CLEC16A: variants seen among roughly 807,000 people sequenced by gnomAD.
CLEC16A encodes protein CLEC16A.
In CLEC16A, 51 loss-of-function variants were observed where a neutral mutation model predicts 109.5. That is an observed-to-expected ratio of 0.47 (90% CI 0.37 to 0.59). CLEC16A has a LOEUF of 0.59. Among genes scored for constraint, CLEC16A ranks in the 20% least tolerant of loss-of-function variants. The probability of loss-of-function intolerance (pLI) is 0.00; values close to 1 mark genes in which losing one functional copy is unlikely to be tolerated. For synonymous variants in CLEC16A, 673 were observed against 564.2 expected, an observed-to-expected ratio of 1.19 and a Z score of -2.73; for missense variants, 1,339 against 1,394.0, an observed-to-expected ratio of 0.96 and a Z score of 0.63.
intron 22 of CLEC16A, among the ~76,000 whole-genome samples, chr16:11,147,322 C>G (rs574389297): frequency 6.6e-6 from 1 of 152,152 alleles, no homozygotes; most frequent in East Asian, 1.9e-4. Context: ...CCTGACTACT[C>G]GCATCATTAG....
At chr16:11,003,622 C>G (rs9925481) in intron 11 of CLEC16A, among the ~76,000 whole-genome samples, 2 of 152,020 alleles carry the variant, frequency 1.3e-5, no homozygotes, top group Admixed American at 6.5e-5. Context: ...ATTAAATGAG[C>G]GAATATGTGC....
At chr16:11,063,277 CTTTTTTTTTTTT>C (rs56409015) in intron 19 of CLEC16A, among the ~76,000 whole-genome samples, 2 of 79,100 alleles carry the variant, frequency 2.5e-5, no homozygotes, top group Admixed American at 3.0e-4. Flanking sequence ...TTCTTCTTTC[CTTTTTTTTTTTT>C]TTTTTTTTTT....
At position 11,042,295 on chromosome 16, in the gene CLEC16A, C is replaced by T. The variant is rs1378388043; in HGVS notation, c.1702C>T (p.Leu568Phe). 2.5e-6 allele frequency: 4 copies of T among 1,592,094 alleles called. No homozygotes were observed. Among genetic ancestry groups the T allele is most frequent in the East Asian group, 2.3e-5 (1 of 43,728 alleles). ...GGCGACGCTGGAGCTGAGCTGCCTG[C>T]TTCTGAAGCAGCAAGTCCTGATGAG... ...RLATLELSCL[L>F]LKQQVLMSAG... Residue 568 changes from leucine to phenylalanine, a missense_variant, in exon 15 of 24, where the codon CTT (leucine) becomes TTT (phenylalanine). By Grantham distance (22) the Leu-to-Phe change is conservative (BLOSUM62 0). Around this residue, in one of 3 missense-constraint regions of CLEC16A, gnomAD observed 1,061 missense variants for 1,006.8 expected, o/e 1.05. Transcript: ENST00000409790.
intron 22 of CLEC16A, among the ~76,000 whole-genome samples, chr16:11,141,363 A>C (rs1346176745): frequency 6.6e-6 from 1 of 152,150 alleles, no homozygotes; most frequent in Non-Finnish European, 1.5e-5. Context: ...AGGACAGCTC[A>C]CTCACAGGAG....
intron 3 of CLEC16A, among the ~76,000 whole-genome samples, chr16:10,968,513 C>T (rs76947914): frequency 0.071 from 10,836 of 152,246 alleles, 1,356 homozygotes; most frequent in African/African-American, 0.25. Flanking sequence ...GCATGACAAA[C>T]TCTGACATCA....
At chr16:11,026,979 C>T in intron 13 of CLEC16A, 2 of 1,539,984 alleles carry the variant, frequency 1.3e-6, no homozygotes, top group Non-Finnish European at 1.8e-6. Flanking sequence ...CTGTCTTTCC[C>T]ATGTGGTGGG....
At chr16:11,002,001 A>G (rs2044696758) in intron 10 of CLEC16A, among the ~76,000 whole-genome samples, 1 of 152,168 alleles carries the variant, frequency 6.6e-6, no homozygotes, top group African/African-American at 2.4e-5. Flanking sequence ...CTGTAGTGAT[A>G]GTTTTGTTTA....
intron 3 of CLEC16A, among the ~76,000 whole-genome samples, chr16:10,965,381 A>G (rs1490436962): frequency 6.6e-6 from 1 of 152,266 alleles, no homozygotes; most frequent in Non-Finnish European, 1.5e-5. Context: ...ACGAAAAGCC[A>G]AATGTTAGAA....
chr16:11,006,154 A>G (rs932236586), intron 11 of CLEC16A, among the ~76,000 whole-genome samples: 15 of 152,228 alleles, frequency 9.9e-5, no homozygotes, highest in Middle Eastern at 3.4e-3. Context: ...TCTCCTTCCC[A>G]GTGGCTGCCA....
At chr16:10,998,438 C>G (rs143337986) in intron 10 of CLEC16A, among the ~76,000 whole-genome samples, 1,960 of 152,290 alleles carry the variant, frequency 0.013, 43 homozygotes, top group African/African-American at 0.045. Context: ...GAAACCTAAA[C>G]CTGTGGCATT....
chr16:10,999,052 C>A (rs1034733742), intron 10 of CLEC16A, among the ~76,000 whole-genome samples: 2 of 152,178 alleles, frequency 1.3e-5, no homozygotes, highest in African/African-American at 2.4e-5. Context: ...CAAAAATAGT[C>A]CTTAGTCCCA....
At chr16:10,944,932 C>T (rs980947526) in intron 1 of CLEC16A, 135 bp downstream of exon 1, 2 of 836,472 alleles carry the variant, frequency 2.4e-6, no homozygotes, top group Non-Finnish European at 3.7e-6. Context: ...TGGTTAAGAG[C>T]GAGGGCTCGG....
Position 11,179,000 on chromosome 16 carries a change from C to T in CLEC16A, c.*310C>T, listed in dbSNP as rs2068876556. The T allele has an allele frequency of 9.0e-6, 3 of 332,724 alleles. No individual in the cohort carries two copies. Among genetic ancestry groups the T allele is most frequent in the Non-Finnish European group, 1.6e-5 (3 of 183,380 alleles). The allele number at this position is 332,724 out of a possible 1,614,324, so 20.6% of individuals were successfully genotyped here. A position where few individuals can be genotyped will look rare whatever the true frequency, so the allele number is the denominator to read the frequency against. ...CTGAGCCCCGGGTGGCAGGACCCACCGGCACCTCTTTCTTCCTCTGTCATA... is the reference window on the plus strand; with the variant it reads ...CTGAGCCCCGGGTGGCAGGACCCACTGGCACCTCTTTCTTCCTCTGTCATA... On this transcript the variant is annotated 3_prime_UTR_variant, in exon 24 of 24. Coordinates refer to ENST00000409790, the MANE Select transcript of CLEC16A (RefSeq NM_015226.3). This position sits in a 1 kb window ranked among gnomAD's most constrained non-coding sequence, Gnocchi z 6.5.
chr16:11,091,196 A>G (rs2050285724), intron 19 of CLEC16A, among the ~76,000 whole-genome samples: 1 of 152,206 alleles, frequency 6.6e-6, no homozygotes, highest in South Asian at 2.1e-4. Flanking sequence ...AACTCACACC[A>G]TGAGCTGCTT....
At chr16:11,084,028 A>G (rs913405639) in intron 19 of CLEC16A, among the ~76,000 whole-genome samples, 1 of 152,112 alleles carries the variant, frequency 6.6e-6, no homozygotes, top group Non-Finnish European at 1.5e-5. Flanking sequence ...CCCAAGCCGT[A>G]TGGGCCCCAG....
chr16:11,161,432 G>A (rs1183262731), intron 22 of CLEC16A, among the ~76,000 whole-genome samples: 1 of 152,216 alleles, frequency 6.6e-6, no homozygotes, highest in East Asian at 1.9e-4. Flanking sequence ...CAGACCGAGG[G>A]AACGGCCTAG....
intron 19 of CLEC16A, among the ~76,000 whole-genome samples, chr16:11,078,618 G>T (rs1262429211): frequency 6.6e-6 from 1 of 152,180 alleles, no homozygotes; most frequent in Admixed American, 6.5e-5. Flanking sequence ...TCTCAATGAG[G>T]AGTGGGTCCG....
chr16:10,962,482 T>C lies in CLEC16A; in HGVS notation c.237T>C (p.Val79=). ...FDFFLEKNMF[V]FFLNILRQKS... Reference sequence around the variant, plus strand: ...TCTTCCTGGAGAAGAATATGTTTGTTTTCTTCTTGAACATCTTGCGGCAAA... The same window carrying C: ...TCTTCCTGGAGAAGAATATGTTTGTCTTCTTCTTGAACATCTTGCGGCAAA... Residue 79 remains valine (V), a synonymous_variant, in exon 3 of 24, where the codon GTT becomes GTC. Coordinates refer to ENST00000409790, the MANE Select transcript of CLEC16A (RefSeq NM_015226.3). The C allele has an allele frequency of 6.2e-7, 1 of 1,613,998 alleles. No individual in the cohort carries two copies.
chr16:11,128,108 T>C (rs1352223943), intron 22 of CLEC16A, among the ~76,000 whole-genome samples: 3 of 152,188 alleles, frequency 2.0e-5, no homozygotes, highest in Admixed American at 1.3e-4. Flanking sequence ...TTTAGGGTCA[T>C]TGAGGCGTCT....
Sources: allele counts gnomAD v4.1 joint callset (sites outside exome capture counted in the v4.1 genomes callset), GRCh38; gene constraint gnomAD v4.1.1; regional missense constraint gnomAD v4.1.1; non-coding constraint Gnocchi (gnomAD v3.1); transcripts MANE v1.5; gene names NCBI Gene and HGNC (gene_info 2026-07-23, HGNC 2026-07-21).